The following COBL variants were observed in gnomAD, a reference collection of about 807,000 sequenced individuals.
The protein encoded by COBL is cordon-bleu WH2 repeat protein, also known as protein cordon-bleu.
In COBL, 51 loss-of-function variants were observed where a neutral mutation model predicts 98.8. The ratio of observed to expected loss-of-function variants is 0.52; its 90% CI spans 0.41 to 0.65. COBL has a LOEUF of 0.65. Ranked by LOEUF, COBL falls within the 30% of genes least tolerant of loss-of-function variation. COBL has a pLI of 0.00. For synonymous variants in COBL, 634 were observed against 651.7 expected (o/e 0.97, Z 0.41); for missense variants, 1,617 against 1,617.5 (o/e 1.00, Z 0.01).
At chr7:51,275,634 GCCACCACCAGCCGCCACCAA>G (rs1298101595) in intron 1 of COBL, among the ~76,000 whole-genome samples, 3 of 151,928 alleles carry the variant, frequency 2.0e-5, no homozygotes, top group African/African-American at 4.8e-5. Context: ...GCTGCCACCA[GCCACCACCAGCCGCCACCAA>G]CCACCACCAG....
chr7:51,061,171 T>C (rs1014432356), intron 7 of COBL, among the ~76,000 whole-genome samples: 1 of 152,222 alleles, frequency 6.6e-6, no homozygotes, highest in Non-Finnish European at 1.5e-5. Flanking sequence ...TGACTAGTTT[T>C]AGAAATGAAA....
intron 1 of COBL, among the ~76,000 whole-genome samples, chr7:51,250,550 T>C (rs1236302610): frequency 6.6e-6 from 1 of 152,142 alleles, no homozygotes; most frequent in Non-Finnish European, 1.5e-5. Flanking sequence ...ATTATAAAAA[T>C]ACAGAGGCAT....
At chr7:51,312,188 G>A (rs1803120559) in intron 1 of COBL, among the ~76,000 whole-genome samples, 1 of 151,940 alleles carries the variant, frequency 6.6e-6, no homozygotes, top group African/African-American at 2.4e-5. Context: ...AAATTAGCTG[G>A]GTGTGGTGGT....
At chr7:51,209,405 T>C (rs911438668) in intron 2 of COBL, among the ~76,000 whole-genome samples, 1 of 152,186 alleles carries the variant, frequency 6.6e-6, no homozygotes, top group African/African-American at 2.4e-5. Context: ...TGGGAGCACC[T>C]GGTGCGGCCT....
intron 7 of COBL, among the ~76,000 whole-genome samples, chr7:51,061,933 T>A (rs1791402059): frequency 1.1e-5 from 1 of 89,884 alleles, no homozygotes; most frequent in African/African-American, 6.8e-5. Flanking sequence ...TAAAAAAAAA[T>A]CTCTCCCCAC....
chr7:51,139,897 G>C (rs1007971951), intron 5 of COBL, among the ~76,000 whole-genome samples: 2 of 152,162 alleles, frequency 1.3e-5, no homozygotes, highest in Non-Finnish European at 2.9e-5. Flanking sequence ...CAGTTTCCTT[G>C]GTTGTCTCCT....
chr7:51,095,402 T>C (rs1274194578), intron 6 of COBL, among the ~76,000 whole-genome samples: 31 of 152,252 alleles, frequency 2.0e-4, no homozygotes, highest in Non-Finnish European at 2.9e-5. Flanking sequence ...AGCCAAACCA[T>C]ATTACTATGT....
At chr7:51,135,923 T>C (rs1799188065) in intron 6 of COBL, among the ~76,000 whole-genome samples, 2 of 152,202 alleles carry the variant, frequency 1.3e-5, no homozygotes, top group Non-Finnish European at 2.9e-5. Context: ...GGAGCAGGAC[T>C]GGGCTGCTGG....
chr7:51,226,550 G>C (rs954791586), intron 1 of COBL, among the ~76,000 whole-genome samples: 1 of 149,720 alleles, frequency 6.7e-6, no homozygotes, highest in African/African-American at 2.4e-5. Flanking sequence ...GAGTGAGTAA[G>C]TGAGTGACTA....
chr7:51,266,097 A>ATGC (rs749172415), intron 1 of COBL, among the ~76,000 whole-genome samples: 144 of 152,336 alleles, frequency 9.5e-4, no homozygotes, highest in Non-Finnish European at 1.8e-3. Context: ...TTAGTGACAC[A>ATGC]TGCTGCTAAA....
chr7:51,095,336 C>A (rs1054206448), intron 6 of COBL, among the ~76,000 whole-genome samples: 1 of 152,122 alleles, frequency 6.6e-6, no homozygotes, highest in South Asian at 2.1e-4. Context: ...GTCCCTCTCA[C>A]GACACGTGAG....
In COBL at chr7:51,028,976, G is replaced by A. The variant is rs148352652; in HGVS notation, c.2120C>T (p.Thr707Met). 6.2e-6 allele frequency: 10 copies of A among 1,614,140 alleles called. No individual in the cohort carries two copies. The East Asian group carries it at 8.9e-5, about 14-fold the overall frequency. Reference sequence around the variant, plus strand: ...TGACTTTGGAGGAATGATTTTATACGTTGTGAGGCCGTGCTTAAGTCTGTA... The same window carrying A: ...TGACTTTGGAGGAATGATTTTATACATTGTGAGGCCGTGCTTAAGTCTGTA... ...KSYRLKHGLT[T>M]YKIIPPKSEM... The change falls in exon 10 of 13, where the codon ACG becomes ATG. Residue 707 changes from threonine (T) to methionine (M), a missense_variant. By Grantham distance (81) the Thr-to-Met change is moderately conservative. Around this residue, in one of 3 missense-constraint regions of COBL, gnomAD observed 1,304 missense variants for 1,282.0 expected, o/e 1.02. Transcript: ENST00000265136.
In COBL at chr7:51,029,394, C is replaced by A. The variant is rs139731072; in HGVS notation, c.1702G>T (p.Asp568Tyr). ...SNRNNNAGSF[D>Y]SEGVASRRDS... is the part of the protein sequence containing the mutation. ...CTCCTGCTGGCAACACCCTCCGAGTCGAAAGACCCAGCATTGTTGTTTCTA... is the reference window on the plus strand; with the variant it reads ...CTCCTGCTGGCAACACCCTCCGAGTAGAAAGACCCAGCATTGTTGTTTCTA... The change falls in exon 10 of 13, where the codon GAC (aspartate) becomes TAC (tyrosine). Residue 568 changes from aspartate (D) to tyrosine (Y), a missense_variant. By Grantham distance (160) the Asp-to-Tyr change is radical (BLOSUM62 -3). Transcript: ENST00000265136. The A allele has an allele frequency of 1.2e-6, 2 of 1,612,866 alleles. No individual in the cohort carries two copies. Among genetic ancestry groups the A allele is most frequent in the Non-Finnish European group, 1.7e-6 (2 of 1,179,210 alleles).
At chr7:51,086,157 C>A (rs1794217628) in intron 6 of COBL, among the ~76,000 whole-genome samples, 1 of 151,924 alleles carries the variant, frequency 6.6e-6, no homozygotes, top group African/African-American at 2.4e-5. Flanking sequence ...GATTAAAATT[C>A]ATTGATTAAA....
chr7:51,243,759 T>C (rs7791713), intron 1 of COBL, among the ~76,000 whole-genome samples: 1,627 of 151,904 alleles, frequency 0.011, 23 homozygotes, highest in African/African-American at 0.037. Context: ...CAGGAGGAGG[T>C]GGCTGTGCCT....
intron 1 of COBL, among the ~76,000 whole-genome samples, chr7:51,294,295 C>CATAAATAAATAAATAAATAA (rs201170093): frequency 4.3e-5 from 6 of 138,910 alleles, no homozygotes; most frequent in African/African-American, 1.6e-4. Flanking sequence ...CATCTCAAAA[C>CATAAATAAATAAATAAATAA]ATAAATAAAT....
At chr7:51,151,444 G>A (rs1361047915) in intron 5 of COBL, among the ~76,000 whole-genome samples, 4 of 152,132 alleles carry the variant, frequency 2.6e-5, no homozygotes, top group African/African-American at 2.4e-5. Context: ...CTCTGGCGTC[G>A]CACCTGCCCT....
chr7:51,157,546 G>T (rs1786297883), intron 5 of COBL, among the ~76,000 whole-genome samples: 1 of 152,192 alleles, frequency 6.6e-6, no homozygotes, highest in South Asian at 2.1e-4. Flanking sequence ...AGGGCAAGTG[G>T]TTGGAGAGGC....
Position 51,062,482 on chromosome 7 carries a change from G to A in COBL, c.1097-18790C>T, listed in dbSNP as rs917422853. ...CTCGGCTGGCCTGCTGAGACTTGGA[G>A]AGAGGCTTCCAATTAACACTGCTGG... On this transcript the variant is annotated intron_variant, in intron 7 of 12. Transcript: ENST00000265136. Among the ~76,000 whole-genome samples the A allele has an allele frequency of 2.6e-5, 4 of 152,204 alleles. No homozygotes were observed. The East Asian group carries it at 7.7e-4, about 29-fold the overall frequency.
Sources: gnomAD v4.1 joint callset for allele counts (sites outside exome capture counted in the v4.1 genomes callset) on GRCh38, gnomAD v4.1.1 for gene constraint, gnomAD v4.1.1 regional missense constraint, MANE v1.5 for transcripts, NCBI Gene and HGNC (gene_info 2026-07-23, HGNC 2026-07-21) for gene names.